OSBPL10: variants seen among roughly 807,000 people sequenced by gnomAD.
The protein encoded by OSBPL10 is oxysterol-binding protein-related protein 10.
A neutral mutation model predicts 81.7 loss-of-function variants in OSBPL10; 49 were observed. That is an observed-to-expected ratio of 0.60 (90% CI 0.48 to 0.76). OSBPL10 has a LOEUF of 0.76. Ranked by LOEUF, OSBPL10 falls within the 30% of genes least tolerant of loss-of-function variation. OSBPL10 has a pLI of 0.00. For synonymous variants in OSBPL10, 419 were observed against 383.6 expected, an observed-to-expected ratio of 1.09 and a Z score of -1.08; for missense variants, 923 against 987.8, an observed-to-expected ratio of 0.93 and a Z score of 0.88.
chr3:32,024,233 T>G (rs1422563041), intron 2 of OSBPL10, among the ~76,000 whole-genome samples: 1 of 151,696 alleles, frequency 6.6e-6, no homozygotes, highest in Non-Finnish European at 1.5e-5. Context: ...GCTTATCAAT[T>G]GCTACAAAAA....
At chr3:31,928,776 A>AAAAAAAAC in intron 1 of OSBPL10, among the ~76,000 whole-genome samples, 1 of 152,008 alleles carries the variant, frequency 6.6e-6, no homozygotes, top group African/African-American at 2.4e-5. Flanking sequence ...AAAAAAAAAA[A>AAAAAAAAC]AAAAAGAATG....
At chr3:31,736,586 T>G (rs1697181340) in intron 5 of OSBPL10, among the ~76,000 whole-genome samples, 1 of 152,226 alleles carries the variant, frequency 6.6e-6, no homozygotes. Flanking sequence ...GATTCAGATC[T>G]AAAATGCCAA....
chr3:31,681,326 G>C (rs1005906929), intron 8 of OSBPL10, among the ~76,000 whole-genome samples: 56 of 152,172 alleles, frequency 3.7e-4, no homozygotes, highest in Non-Finnish European at 1.6e-4. Flanking sequence ...CTATGCAAGA[G>C]GGGGAGCAGC....
At chr3:31,885,389 A>C (rs1274159628) in intron 1 of OSBPL10, among the ~76,000 whole-genome samples, 1 of 152,162 alleles carries the variant, frequency 6.6e-6, no homozygotes, top group Non-Finnish European at 1.5e-5. Flanking sequence ...TCACCCTTGA[A>C]GGTGCATTTG....
chr3:31,924,684 T>C (rs1697020771), intron 1 of OSBPL10, among the ~76,000 whole-genome samples: 3 of 152,148 alleles, frequency 2.0e-5, no homozygotes, highest in Admixed American at 2.0e-4. Flanking sequence ...GCAAACTTTT[T>C]CTACAAAGGC....
At position 31,911,313 on chromosome 3, in the gene OSBPL10, C is replaced by T. The variant is rs142008963; in HGVS notation, c.282-31483G>A. ...ACAAATGGGCATGACTGTGTCCCAA[C>T]GAAACTTTATGTATAAAGAAAACAG... On this transcript the variant is annotated intron_variant, in intron 1 of 11. Transcript: ENST00000396556. Among the ~76,000 whole-genome samples, 294 of 152,218 alleles carry T rather than the reference C, an allele frequency of 1.9e-3. 2 individuals are homozygous for T. The highest frequency in any genetic ancestry group is 6.7e-3 in the African/African-American group (277 of 41,520).
intron 3 of OSBPL10, among the ~76,000 whole-genome samples, chr3:31,849,862 T>C (rs12492073): frequency 0.45 from 67,485 of 151,294 alleles, 15,240 homozygotes; most frequent in South Asian, 0.59. Context: ...ACATAGTGAG[T>C]CTCCTTCTCT....
intron 3 of OSBPL10, among the ~76,000 whole-genome samples, chr3:31,848,718 A>C (rs142154595): frequency 9.2e-5 from 14 of 152,330 alleles, no homozygotes; most frequent in African/African-American, 3.4e-4. Context: ...ATTTCTGGCC[A>C]AAAGCTGAGA....
chr3:32,036,808 G>T (rs1168680828), intron 2 of OSBPL10, among the ~76,000 whole-genome samples: 1 of 142,060 alleles, frequency 7.0e-6, no homozygotes, highest in Non-Finnish European at 1.5e-5. Context: ...GGGCAACAGA[G>T]TGAGACTCGT....
intron 1 of OSBPL10, among the ~76,000 whole-genome samples, chr3:31,892,939 G>A (rs1441432780): frequency 2.6e-5 from 4 of 152,174 alleles, no homozygotes; most frequent in Non-Finnish European, 4.4e-5. Context: ...CTGTTAACCG[G>A]TGGTTGAGCA....
intron 2 of OSBPL10, among the ~76,000 whole-genome samples, chr3:31,994,591 C>A (rs1699069794): frequency 6.6e-6 from 1 of 152,104 alleles, no homozygotes; most frequent in African/African-American, 2.4e-5. Flanking sequence ...TTTCTAAGAT[C>A]TTTTGGGTAG....
At chr3:31,893,741 G>A (rs1695973816) in intron 1 of OSBPL10, among the ~76,000 whole-genome samples, 1 of 152,002 alleles carries the variant, frequency 6.6e-6, no homozygotes, top group Non-Finnish European at 1.5e-5. Flanking sequence ...TGCTAAAGGA[G>A]CCAGATGAAA....
At chr3:31,989,551 A>G (rs1314564560) in intron 2 of OSBPL10, 1 of 1,614,104 alleles carries the variant, frequency 6.2e-7, no homozygotes, top group Non-Finnish European at 8.5e-7. Context: ...GCTTGGATTA[A>G]GCTTTCATTC....
At chr3:31,690,282 C>A (rs1436888420) in intron 7 of OSBPL10, among the ~76,000 whole-genome samples, 1 of 152,068 alleles carries the variant, frequency 6.6e-6, no homozygotes, top group Non-Finnish European at 1.5e-5. Context: ...CTTTCTCCTG[C>A]TCTGGCCATG....
At chr3:31,898,036 A>AAAAAC (rs1696115312) in intron 1 of OSBPL10, among the ~76,000 whole-genome samples, 1 of 101,724 alleles carries the variant, frequency 9.8e-6, no homozygotes, top group Non-Finnish European at 1.9e-5. Context: ...AAAAAAAAAA[A>AAAAAC]ACAGAAGAAG....
At chr3:31,700,625 C>T (rs761787195) in intron 7 of OSBPL10, among the ~76,000 whole-genome samples, 2 of 152,184 alleles carry the variant, frequency 1.3e-5, no homozygotes, top group Non-Finnish European at 2.9e-5. Flanking sequence ...GCCTGACCTC[C>T]ACTAAATTGG....
chr3:31,829,269 A>G (rs1041055161), intron 4 of OSBPL10, among the ~76,000 whole-genome samples: 1 of 152,120 alleles, frequency 6.6e-6, no homozygotes, highest in Non-Finnish European at 1.5e-5. Context: ...GGCAACCAAA[A>G]CCACCATCAT....
chr3:31,945,149 C>CAAAAAAAA (rs71628589), intron 1 of OSBPL10, among the ~76,000 whole-genome samples: 1 of 81,632 alleles, frequency 1.2e-5, no homozygotes, highest in Non-Finnish European at 2.5e-5. Context: ...GACTCCGTCT[C>CAAAAAAAA]AAAAAAAAAA....
intron 1 of OSBPL10, among the ~76,000 whole-genome samples, chr3:31,887,376 A>G (rs1258494066): frequency 1.3e-5 from 2 of 152,206 alleles, no homozygotes; most frequent in Non-Finnish European, 2.9e-5. Flanking sequence ...TTTTAAAATT[A>G]ATATCATCTG....
Sources: gnomAD v4.1 joint callset for allele counts (sites outside exome capture counted in the v4.1 genomes callset) on GRCh38, gnomAD v4.1.1 for gene constraint, MANE v1.5 for transcripts, NCBI Gene and HGNC (gene_info 2026-07-23, HGNC 2026-07-21) for gene names.